CES3: variants seen among roughly 807,000 people sequenced by gnomAD.
The protein encoded by CES3 is carboxylesterase 3 (brain).
Under a neutral mutation model 57.6 loss-of-function variants are expected in CES3, and 49 were observed. The observed-to-expected ratio is 0.85, with a 90% confidence interval of 0.68 to 1.08. The LOEUF is 1.08. Among genes scored for constraint, CES3 ranks in the 50% least tolerant of loss-of-function variants. The pLI, the probability that CES3 is intolerant of heterozygous loss-of-function variation, is 0.00. For missense variants in CES3, 645 were observed against 742.0 expected, an observed-to-expected ratio of 0.87 and a Z score of 1.52; for synonymous variants, 266 against 281.6, an observed-to-expected ratio of 0.94 and a Z score of 0.55.
Position 66,963,453 on chromosome 16 carries a change from G to T in CES3, c.288-38G>T, listed in dbSNP as rs760857780. The T allele has an allele frequency of 1.9e-6, 3 of 1,609,286 alleles. No homozygotes were observed. The highest frequency in any genetic ancestry group is 2.6e-6 in the Non-Finnish European group (3 of 1,176,180). On this transcript the variant is annotated intron_variant, in intron 2 of 12. Coordinates refer to ENST00000303334, the MANE Select transcript of CES3 (RefSeq NM_024922.6). This position sits in a 1 kb window ranked among gnomAD's most constrained non-coding sequence, Gnocchi z 4.9. ...GAATCCTGCTGCTGGGGCTTGTGGGGCTGAACAGCTGGACCTCAGGCCCAC... is the reference window on the plus strand; with the variant it reads ...GAATCCTGCTGCTGGGGCTTGTGGGTCTGAACAGCTGGACCTCAGGCCCAC...
chr16:66,971,615 T>A (rs1963835300), intron 10 of CES3, among the ~76,000 whole-genome samples: 1 of 152,126 alleles, frequency 6.6e-6, no homozygotes, highest in Non-Finnish European at 1.5e-5. Flanking sequence ...AAATGGGTGA[T>A]TTCATCCTCT....
intron 8 of CES3, chr16:66,967,945 A>C: frequency 5.4e-6 from 1 of 184,172 alleles, no homozygotes; most frequent in East Asian, 1.9e-4. Flanking sequence ...TTCCGTGTAT[A>C]GTCAGGTCTC....
Position 66,973,004 on chromosome 16 carries a change from G to A in CES3, c.1671G>A (p.Gln557=). Residue 557 remains glutamine, a synonymous_variant, in exon 13 of 13, where the codon CAG becomes CAA. Coordinates refer to ENST00000303334, the MANE Select transcript of CES3 (RefSeq NM_024922.6). ...WSETLPSKIQ[Q]WHQKQKNRKA... Reference sequence around the variant, plus strand: ...AGACGCTCCCCAGCAAGATACAACAGTGGCACCAGAAGCAGAAGAACAGGA... The same window carrying A: ...AGACGCTCCCCAGCAAGATACAACAATGGCACCAGAAGCAGAAGAACAGGA... 1.2e-6 allele frequency: 2 copies of A among 1,614,076 alleles called. No individual in the cohort carries two copies. Among genetic ancestry groups the A allele is most frequent in the Non-Finnish European group, 1.7e-6 (2 of 1,180,040 alleles).
At chr16:66,968,070 T>C (rs993234619) in intron 8 of CES3, among the ~76,000 whole-genome samples, 5 of 152,156 alleles carry the variant, frequency 3.3e-5, no homozygotes, top group Admixed American at 6.5e-5. Flanking sequence ...ACAACCACTT[T>C]TAATGGCTGC....
At chr16:66,964,233 C>T in intron 4 of CES3, 124 bp from the exon 5 acceptor site, 1 of 1,354,278 alleles carries the variant, frequency 7.4e-7, no homozygotes, top group Non-Finnish European at 1.0e-6. Flanking sequence ...AACCACGGCT[C>T]CCAGACAGGC....
intron 8 of CES3, among the ~76,000 whole-genome samples, chr16:66,968,053 C>A (rs1419582411): frequency 6.6e-6 from 1 of 152,152 alleles, no homozygotes; most frequent in Non-Finnish European, 1.5e-5. Context: ...GCCACAGCAC[C>A]CAGCCAACAA....
At chr16:66,971,063 A>G (rs1963823196) in intron 9 of CES3, 109 bp from the exon 10 acceptor site, 3 of 1,283,808 alleles carry the variant, frequency 2.3e-6, no homozygotes, top group South Asian at 3.1e-5. Flanking sequence ...CCCCTGGACC[A>G]TCAGCCCTGG....
Position 66,963,673 on chromosome 16 carries a change from A to G in CES3, c.426+44A>G, listed in dbSNP as rs767288999. The G allele has an allele frequency of 1.9e-6, 3 of 1,613,630 alleles. No individual in the cohort carries two copies. The highest frequency in any genetic ancestry group is 1.1e-5 in the South Asian group (1 of 91,072). ...CCTGTCCACCTGATCCAGCTCCACT[A>G]TGCCTACCTGTCCCCTCCCCGTCCC... On this transcript the variant is annotated intron_variant, in intron 3 of 12. Transcript: ENST00000303334. This position sits in a 1 kb window ranked among gnomAD's most constrained non-coding sequence, Gnocchi z 4.9.
At chr16:66,965,894 C>A (rs1349763331) in intron 6 of CES3, among the ~76,000 whole-genome samples, 1 of 152,174 alleles carries the variant, frequency 6.6e-6, no homozygotes, top group Admixed American at 6.6e-5. Flanking sequence ...GAGCCAAGAT[C>A]ATGCCACTGC....
intron 8 of CES3, chr16:66,967,333 C>T (rs1376781864): frequency 4.4e-6 from 1 of 227,142 alleles, no homozygotes; most frequent in Non-Finnish European, 7.6e-6. Flanking sequence ...GGATTACAGG[C>T]GTGGGCCACT....
rs776363442 is a variant in CES3, at chr16:66,966,870, G to C, written c.1062+5G>C. ...TTCAGCTGGCTCATCCCCAGGGTGAGTTGCTCCCACCCCTGTGCCCTTCAA... is the reference window on the plus strand; with the variant it reads ...TTCAGCTGGCTCATCCCCAGGGTGACTTGCTCCCACCCCTGTGCCCTTCAA... On this transcript the variant is annotated splice_donor_5th_base_variant and intron_variant, in intron 8 of 12. Transcript: ENST00000303334. 2.5e-6 allele frequency: 4 copies of C among 1,613,694 alleles called. No individual in the cohort carries two copies. Among genetic ancestry groups the C allele is most frequent in the Non-Finnish European group, 3.4e-6 (4 of 1,180,000 alleles).
chr16:66,963,406 G>C lies in CES3; in HGVS notation c.287+23G>C, dbSNP rs1480475998. 6.2e-7 allele frequency: 1 copy of C among 1,611,500 alleles called. No homozygotes were observed. Among genetic ancestry groups the C allele is most frequent in the East Asian group, 2.2e-5 (1 of 44,828 alleles). On this transcript the variant is annotated intron_variant, in intron 2 of 12. Transcript: ENST00000303334. This position sits in a 1 kb window ranked among gnomAD's most constrained non-coding sequence, Gnocchi z 4.9. ...AATGTGAGTAGTGCTGGTGGAGGCGGGCAAACAGGCAGGTTGCAGGAGAAT... is the reference window on the plus strand; with the variant it reads ...AATGTGAGTAGTGCTGGTGGAGGCGCGCAAACAGGCAGGTTGCAGGAGAAT...
In CES3 at chr16:66,963,207, C is replaced by T. The variant is rs747127368; in HGVS notation, c.111C>T (p.Asp37=). ...TGPEVAQPEV[D]TTLGRVRGRQ... is the part of the protein sequence containing the mutation. ...CCGAAGTTGCTCAGCCTGAAGTAGA[C>T]ACCACCCTGGGTCGTGTGCGAGGCC... is the stretch of plus-strand genomic sequence containing the variant. The change falls in exon 2 of 13, where the codon GAC becomes GAT. Residue 37 remains aspartate (D), a synonymous_variant. Coordinates refer to ENST00000303334, the MANE Select transcript of CES3 (RefSeq NM_024922.6). The surrounding 1 kb of genome is among the most constrained non-coding windows in gnomAD (Gnocchi z 4.9). The T allele has an allele frequency of 6.8e-6, 11 of 1,614,260 alleles. No individual in the cohort carries two copies. The highest frequency in any genetic ancestry group is 8.5e-6 in the Non-Finnish European group (10 of 1,180,054).
Position 66,966,759 on chromosome 16 carries a change from C to T in CES3, c.956C>T (p.Thr319Ile). ...NTIYPLTVDGTVFPKSPKELL... is the reference protein window; with the variant it reads ...NTIYPLTVDGIVFPKSPKELL... ...ATCTATCCTCTCACCGTTGATGGCA[C>T]TGTCTTCCCCAAAAGCCCCAAGGAA... Residue 319 changes from threonine to isoleucine, a missense_variant, in exon 8 of 13, where the codon ACT becomes ATT. Thr to Ile is a moderately conservative substitution (Grantham distance 89). Coordinates refer to ENST00000303334, the MANE Select transcript of CES3 (RefSeq NM_024922.6). 1 of 1,614,180 alleles carries T rather than the reference C, an allele frequency of 6.2e-7. No individual in the cohort carries two copies. The highest frequency in any genetic ancestry group is 8.5e-7 in the Non-Finnish European group (1 of 1,180,038).
Position 66,966,805 on chromosome 16 carries a change from C to T in CES3, c.1002C>T (p.Phe334=), listed in dbSNP as rs2145535068. ...AGGAACTCCTGAAGGAGAAGCCCTTCCACTCTGTGCCCTTCCTCATGGGTG... is the reference window on the plus strand; with the variant it reads ...AGGAACTCCTGAAGGAGAAGCCCTTTCACTCTGTGCCCTTCCTCATGGGTG... The part of the protein sequence containing the change: ...SPKELLKEKP[F]HSVPFLMGVN... Residue 334 remains phenylalanine, a synonymous_variant, in exon 8 of 13, where the codon TTC becomes TTT. Coordinates refer to ENST00000303334, the MANE Select transcript of CES3 (RefSeq NM_024922.6). The T allele has an allele frequency of 6.2e-7, 1 of 1,614,170 alleles. No homozygotes were observed. The highest frequency in any genetic ancestry group is 8.5e-7 in the Non-Finnish European group (1 of 1,180,026).
Position 66,963,155 on chromosome 16 carries a change from G to A in CES3, c.83-24G>A, listed in dbSNP as rs760354254. 14 of 1,613,266 alleles carry A rather than the reference G, an allele frequency of 8.7e-6. No individual in the cohort carries two copies. The highest frequency in any genetic ancestry group is 2.2e-5 in the East Asian group (1 of 44,892). ...CTCATGGGGGCTGCAAACTCACCCC[G>A]TGGCCTTTCTGTCCTTCCCTCAGGG... On this transcript the variant is annotated intron_variant, in intron 1 of 12. Transcript: ENST00000303334. This position sits in a 1 kb window ranked among gnomAD's most constrained non-coding sequence, Gnocchi z 4.9.
chr16:66,961,481 AAACAGTCCT>A (rs1963651106), intron 1 of CES3, 92 bp downstream of exon 1: 1 of 997,880 alleles, frequency 1.0e-6, no homozygotes, highest in Non-Finnish European at 1.5e-6. Flanking sequence ...ACCGCTCAGG[AAACAGTCCT>A]GTTTGGAGGC....
Position 66,963,613 on chromosome 16 carries a change from C to G in CES3, c.410C>G (p.Ala137Gly). 6.2e-7 allele frequency: 1 copy of G among 1,614,192 alleles called. No individual in the cohort carries two copies. The highest frequency in any genetic ancestry group is 1.3e-5 in the African/African-American group (1 of 75,064). ...LNVYSPAEVP[A>G]GSGRPVMVWV... ...GTCTATAGCCCAGCTGAGGTCCCCGCAGGGTCCGGTAGGCCGGTAGGCACC... is the reference window on the plus strand; with the variant it reads ...GTCTATAGCCCAGCTGAGGTCCCCGGAGGGTCCGGTAGGCCGGTAGGCACC... Residue 137 changes from alanine to glycine, a missense_variant, in exon 3 of 13, where the codon GCA becomes GGA. Physicochemically the swap from Ala to Gly is moderately conservative, Grantham distance 60. Transcript: ENST00000303334. The surrounding 1 kb of genome is among the most constrained non-coding windows in gnomAD (Gnocchi z 4.9).
intron 10 of CES3, among the ~76,000 whole-genome samples, chr16:66,971,988 T>G (rs1045664567): frequency 1.3e-5 from 2 of 151,926 alleles, no homozygotes; most frequent in Non-Finnish European, 2.9e-5. Flanking sequence ...TTTTTGAAAA[T>G]TAGCCGGGCA....
Sources: allele counts gnomAD v4.1 joint callset (sites outside exome capture counted in the v4.1 genomes callset), GRCh38; gene constraint gnomAD v4.1.1; non-coding constraint Gnocchi (gnomAD v3.1); transcripts MANE v1.5; gene names NCBI Gene and HGNC (gene_info 2026-07-23, HGNC 2026-07-21).